The following ANKRD30A variants were observed in gnomAD, a reference collection of about 807,000 sequenced individuals.
The protein encoded by ANKRD30A is ankyrin repeat domain 30A, also known as ankyrin repeat domain-containing protein 30A.
In ANKRD30A, 170 loss-of-function variants were observed where a neutral mutation model predicts 166.3. The observed-to-expected ratio is 1.02, with a 90% CI of 0.90 to 1.16. The LOEUF (loss-of-function observed/expected upper bound fraction) is 1.16. Among genes scored for constraint, ANKRD30A ranks in the 50% most tolerant of loss-of-function variants. ANKRD30A has a pLI of 0.00. For synonymous variants in ANKRD30A, 564 were observed against 508.9 expected (o/e 1.11, Z -1.46); for missense variants, 1,630 against 1,518.0 (o/e 1.07, Z -1.23).
intron 4 of ANKRD30A, 101 bp from the exon 5 acceptor site, chr10:37,133,815 C>T: frequency 7.2e-7 from 1 of 1,380,066 alleles, no homozygotes; most frequent in Non-Finnish European, 1.0e-6. Context: ...ACTCAAGATA[C>T]TTATGTTTGT....
At position 37,202,316 on chromosome 10, in the gene ANKRD30A, A is replaced by T. The variant is rs186815103; in HGVS notation, c.2869+991A>T. On this transcript the variant is annotated intron_variant, in intron 31 of 35. Coordinates refer to ENST00000361713, the MANE Select transcript of ANKRD30A (RefSeq NM_052997.3). ...CAGACCACAGTGCAATAAAACTAGA[A>T]CTCAGGATTAAGAACCTCACTCAAA... Among the ~76,000 whole-genome samples, 137 of 152,268 alleles carry T rather than the reference A, an allele frequency of 9.0e-4. 1 individual carries two copies. The highest frequency in any genetic ancestry group is 3.0e-3 in the African/African-American group (126 of 41,558).
At chr10:37,234,429 A>G (rs1223373492), downstream of ANKRD30A, among the ~76,000 whole-genome samples, 1 of 152,202 alleles carries the variant, frequency 6.6e-6, no homozygotes, top group Non-Finnish European at 1.5e-5. Flanking sequence ...TTCCACATTA[A>G]TGAAAGATAA....
intron 34 of ANKRD30A, among the ~76,000 whole-genome samples, chr10:37,224,492 A>G (rs1843045243): frequency 6.6e-6 from 1 of 150,510 alleles, no homozygotes; most frequent in South Asian, 2.1e-4. Flanking sequence ...ATACACATAT[A>G]TTATATGTAT....
downstream of ANKRD30A, among the ~76,000 whole-genome samples, chr10:37,234,422 C>T (rs1843582955): frequency 1.3e-5 from 2 of 151,842 alleles, no homozygotes; most frequent in African/African-American, 4.8e-5. Context: ...AGATTTATTC[C>T]ACATTAATGA....
At chr10:37,179,527 T>C (rs1840039996) in intron 24 of ANKRD30A, among the ~76,000 whole-genome samples, 1 of 150,824 alleles carries the variant, frequency 6.6e-6, no homozygotes, top group Non-Finnish European at 1.5e-5. Context: ...AGTATATGGG[T>C]ATGAAAATCA....
the ANKRD30A span, among the ~76,000 whole-genome samples, chr10:37,251,545 A>C: frequency 6.6e-6 from 1 of 152,122 alleles, no homozygotes; most frequent in Non-Finnish European, 1.5e-5. Context: ...TTGTTTGACC[A>C]GGTACTAAAG....
Position 37,134,013 on chromosome 10 carries a change from G to A in ANKRD30A, c.715G>A (p.Val239Ile). The A allele has an allele frequency of 6.2e-7, 1 of 1,614,072 alleles. No homozygotes were observed. Residue 239 changes from valine (V) to isoleucine (I), a missense_variant, in exon 5 of 36, where the codon GTA (valine) becomes ATA (isoleucine). By Grantham distance (29) the Val-to-Ile change is conservative (BLOSUM62 3). Around this residue, in one of 4 missense-constraint regions of ANKRD30A, gnomAD observed 904 missense variants for 818.5 expected, o/e 1.10. Transcript: ENST00000361713. ...VDVFAADICG[V>I]TAEHYAVTCG... ...CGTCTTTGCTGCAGATATATGTGGA[G>A]TAACTGCAGAACATTATGCTGTTAC...
chr10:37,225,687 AG>A (rs576026560), intron 34 of ANKRD30A, among the ~76,000 whole-genome samples: 330 of 151,870 alleles, frequency 2.2e-3, no homozygotes, highest in Non-Finnish European at 3.9e-3. Flanking sequence ...TTTTTCTATA[AG>A]GCGGGCATAC....
chr10:37,194,219 T>C (rs538317586), intron 27 of ANKRD30A, among the ~76,000 whole-genome samples: 1 of 152,182 alleles, frequency 6.6e-6, no homozygotes, highest in Admixed American at 6.5e-5. Context: ...ACACAAAAGC[T>C]CACAACATAT....
chr10:37,219,425 A>T lies in ANKRD30A; in HGVS notation c.3713A>T (p.Asp1238Val). ...DACLQRKMNV[D>V]VSSTIYNNEV... is the part of the protein sequence containing the mutation. ...TGTTTGCAAAGAAAAATGAATGTTGATGTGAGTAGTACGATATATAACAAT... is the reference window on the plus strand; with the variant it reads ...TGTTTGCAAAGAAAAATGAATGTTGTTGTGAGTAGTACGATATATAACAAT... Residue 1238 changes from aspartate to valine, a missense_variant, in exon 34 of 36, where the codon GAT becomes GTT. Around this residue, in one of 4 missense-constraint regions of ANKRD30A, gnomAD observed 712 missense variants for 629.3 expected, o/e 1.13. Transcript: ENST00000361713. 6.2e-7 allele frequency: 1 copy of T among 1,610,502 alleles called. No individual in the cohort carries two copies. The highest frequency in any genetic ancestry group is 1.1e-5 in the South Asian group (1 of 90,982).
intron 13 of ANKRD30A, 52 bp downstream of exon 13, chr10:37,153,714 T>A (rs896106330): frequency 6.2e-7 from 1 of 1,602,878 alleles, no homozygotes; most frequent in African/African-American, 1.3e-5. Context: ...TTCTCTAAAC[T>A]GATGAGGAGG....
intron 18 of ANKRD30A, among the ~76,000 whole-genome samples, chr10:37,165,682 G>T (rs575878844): frequency 6.6e-6 from 1 of 152,102 alleles, no homozygotes; most frequent in Admixed American, 6.6e-5. Context: ...AGGAAACCTT[G>T]TGGGAGTATA....
the ANKRD30A span, among the ~76,000 whole-genome samples, chr10:37,246,019 G>C: frequency 5.3e-5 from 8 of 152,246 alleles, no homozygotes; most frequent in South Asian, 6.2e-4. Flanking sequence ...TTTCCCTACT[G>C]ATGAGCCAAA....
rs577979094 is a variant in ANKRD30A, at chr10:37,228,955, G to A, written c.4186-2506G>A. On this transcript the variant is annotated intron_variant, in intron 34 of 35. Coordinates refer to ENST00000361713, the MANE Select transcript of ANKRD30A (RefSeq NM_052997.3). ...CTAATTAATCTGCCATTTGGGAAAA[G>A]CTCGGCCAGGACAGCTTGTCACTGT... Among the ~76,000 whole-genome samples, 199 of 152,062 alleles carry A rather than the reference G, an allele frequency of 1.3e-3. 1 individual carries two copies. The highest frequency in any genetic ancestry group is 4.7e-3 in the African/African-American group (194 of 41,532).
rs980564266 is a variant in ANKRD30A, at chr10:37,191,095, T to C, written c.2512+1538T>C. ...TTTAACATAGAAAATGTTATTAATA[T>C]TTAAAAGTCTGTTGCAACTAAATTT... On this transcript the variant is annotated intron_variant, in intron 25 of 35. Transcript: ENST00000361713. 1.2e-4 allele frequency among the ~76,000 whole-genome samples: 18 copies of C among 151,900 alleles called. No individual in the cohort carries two copies. In the East Asian group the frequency reaches 2.7e-3, roughly 23 times the overall value.
At chr10:37,253,499 T>TC in the ANKRD30A span, among the ~76,000 whole-genome samples, 1 of 152,032 alleles carries the variant, frequency 6.6e-6, no homozygotes, top group African/African-American at 2.4e-5. Context: ...ACTCTCTATT[T>TC]CCCCCCAGGC....
intron 24 of ANKRD30A, among the ~76,000 whole-genome samples, chr10:37,183,963 A>G (rs1226570945): frequency 7.9e-5 from 12 of 151,566 alleles, no homozygotes; most frequent in South Asian, 4.2e-4. Context: ...CCTGACTAAC[A>G]CGGTGAAACC....
chr10:37,179,550 AT>A (rs1840042375), intron 24 of ANKRD30A, among the ~76,000 whole-genome samples: 1 of 150,570 alleles, frequency 6.6e-6, no homozygotes, highest in South Asian at 2.1e-4. Flanking sequence ...GAATATTTAT[AT>A]TTAATATTAT....
At chr10:37,251,932 G>A in the ANKRD30A span, among the ~76,000 whole-genome samples, 1 of 152,032 alleles carries the variant, frequency 6.6e-6, no homozygotes, top group Non-Finnish European at 1.5e-5. Context: ...TACTCCCATG[G>A]TTGCTCCTAG....
Sources: allele counts gnomAD v4.1 joint callset (sites outside exome capture counted in the v4.1 genomes callset), GRCh38; gene constraint gnomAD v4.1.1; regional missense constraint gnomAD v4.1.1; transcripts MANE v1.5; gene names NCBI Gene and HGNC (gene_info 2026-07-23, HGNC 2026-07-21).